Variants in ZNF721 observed in about 807,000 individuals in gnomAD.
The protein encoded by ZNF721 is zinc finger protein 721.
A neutral mutation model predicts 2.4 loss-of-function variants in ZNF721; 2 were observed. The observed-to-expected ratio is 0.82, with a 90% CI of 0.34 to 2.58. ZNF721 has a LOEUF of 2.58. ZNF721 is among the 30% of genes most tolerant of loss of function. The probability of loss-of-function intolerance (pLI) is 0.11; values close to 1 mark genes in which losing one functional copy is unlikely to be tolerated. For missense variants in ZNF721, 1,187 were observed against 1,085.5 expected (o/e 1.09, Z -1.31); for synonymous variants, 398 against 381.8 (o/e 1.04, Z -0.50).
intron 2 of ZNF721, among the ~76,000 whole-genome samples, chr4:464,822 G>A (rs922455753): frequency 6.6e-5 from 10 of 152,028 alleles, no homozygotes; most frequent in African/African-American, 2.4e-4. Context: ...GCTCACGCCT[G>A]TAATCCCAGC....
intron 1 of ZNF721, among the ~76,000 whole-genome samples, chr4:489,707 T>G (rs1553871205): frequency 6.6e-6 from 1 of 152,164 alleles, no homozygotes; most frequent in African/African-American, 2.4e-5. Context: ...CCACCTGACA[T>G]GTGTAGCTAC....
At chr4:458,989 G>A (rs1714934668) in intron 2 of ZNF721, among the ~76,000 whole-genome samples, 1 of 152,176 alleles carries the variant, frequency 6.6e-6, no homozygotes, top group African/African-American at 2.4e-5. Context: ...GAAGAAAGTG[G>A]GGGCCAATAT....
At chr4:474,056 G>GGCTGAGGCTCTGGCAAAATC (rs1188237572) in intron 1 of ZNF721, 20 of 1,464,608 alleles carry the variant, frequency 1.4e-5, no homozygotes, top group Non-Finnish European at 1.8e-5. Context: ...GAGCGATGGA[G>GGCTGAGGCTCTGGCAAAATC]GCTGAGGCTC....
At chr4:488,219 G>T (rs1310185874) in intron 1 of ZNF721, among the ~76,000 whole-genome samples, 1 of 152,054 alleles carries the variant, frequency 6.6e-6, no homozygotes, top group African/African-American at 2.4e-5. Context: ...ATTCCTTTGT[G>T]CTTTCTGTTC....
At chr4:458,325 A>C (rs1553865623) in intron 2 of ZNF721, among the ~76,000 whole-genome samples, 3 of 152,210 alleles carry the variant, frequency 2.0e-5, no homozygotes, top group African/African-American at 7.2e-5. Flanking sequence ...AGTAGGACTT[A>C]TGTGACCTGG....
chr4:491,990 T>TA (rs781964022), intron 1 of ZNF721, among the ~76,000 whole-genome samples: 2,578 of 142,894 alleles, frequency 0.018, 78 homozygotes, highest in African/African-American at 0.06. Context: ...CCATCTCTAC[T>TA]AAAAAAAAAA....
In ZNF721 at chr4:443,391, T is replaced by C. The variant is rs781971273; in HGVS notation, c.1076A>G (p.Lys359Arg). 2.5e-6 allele frequency: 4 copies of C among 1,614,148 alleles called. No individual in the cohort carries two copies. In the South Asian group the frequency reaches 4.4e-5, roughly 18 times the overall value. The change falls in exon 3 of 3, where the codon AAA becomes AGA. Residue 359 changes from lysine to arginine, a missense_variant. Coordinates refer to ENST00000511833, the MANE Select transcript of ZNF721 (RefSeq NM_133474.4). ...YVHRRIHTGEKPYKCEDCGKA... is the reference protein window; with the variant it reads ...YVHRRIHTGERPYKCEDCGKA... Reference sequence around the variant, plus strand: ...GCCACAGTCTTCGCATTTGTAAGGTTTCTCTCCAGTATGAATTCTCCTATG... The same window carrying C: ...GCCACAGTCTTCGCATTTGTAAGGTCTCTCTCCAGTATGAATTCTCCTATG...
In ZNF721 at chr4:441,581, T is replaced by G; in HGVS notation, c.*114A>C. 1 of 828,228 alleles carries G rather than the reference T, an allele frequency of 1.2e-6. No individual in the cohort carries two copies. Among genetic ancestry groups the G allele is most frequent in the Non-Finnish European group, 1.9e-6 (1 of 540,396 alleles). 51.3% of individuals were successfully genotyped at this position (828,228 alleles called of 1,614,324 possible). ...TGAATTATCTTATGATTAGAAAGGA[T>G]TGAGGAGCATTTAAAGACCGCGACA... On this transcript the variant is annotated 3_prime_UTR_variant, in exon 3 of 3. Coordinates refer to ENST00000511833, the MANE Select transcript of ZNF721 (RefSeq NM_133474.4).
intron 2 of ZNF721, among the ~76,000 whole-genome samples, chr4:445,104 C>T (rs1354013033): frequency 1.3e-5 from 2 of 151,336 alleles, no homozygotes; most frequent in Non-Finnish European, 2.9e-5. Context: ...CCTGCCTCAG[C>T]CTCCCCAATA....
At chr4:490,734 C>T (rs777523128) in intron 1 of ZNF721, among the ~76,000 whole-genome samples, 11 of 152,130 alleles carry the variant, frequency 7.2e-5, no homozygotes, top group African/African-American at 1.9e-4. Context: ...TGTGTGTGCA[C>T]GTGTGCATGC....
At position 480,367 on chromosome 4, in the gene ZNF721, A is replaced by G. The variant is rs185415506; in HGVS notation, c.-93-7666T>C. On this transcript the variant is annotated intron_variant, in intron 1 of 2. Transcript: ENST00000511833. ...AATTTGAATTTAGGAACACTTTCTT[A>G]TGCTGACTCTTAAGTACTTATTTCA... Among the ~76,000 whole-genome samples the G allele has an allele frequency of 2.2e-4, 33 of 152,348 alleles. No individual in the cohort carries two copies. The South Asian group carries it at 4.1e-3, about 19-fold the overall frequency.
At chr4:476,988 C>A (rs1239732009) in intron 1 of ZNF721, among the ~76,000 whole-genome samples, 11 of 152,166 alleles carry the variant, frequency 7.2e-5, no homozygotes, top group African/African-American at 2.7e-4. Context: ...CATGGCATCT[C>A]ATTTTCTTGG....
chr4:447,358 ATTATT>A (rs1165694323), intron 2 of ZNF721, among the ~76,000 whole-genome samples: 49 of 152,068 alleles, frequency 3.2e-4, no homozygotes, highest in African/African-American at 9.1e-4. Context: ...CAAAAAATAT[ATTATT>A]TTAAGAAATT....
intron 2 of ZNF721, among the ~76,000 whole-genome samples, chr4:465,964 C>T (rs1715235909): frequency 6.6e-6 from 1 of 151,458 alleles, no homozygotes; most frequent in Non-Finnish European, 1.5e-5. Context: ...AGTTATTTCT[C>T]TGCCTTTTAT....
chr4:461,918 CAAGAGA>C (rs1324622455), intron 2 of ZNF721, among the ~76,000 whole-genome samples: 3 of 152,010 alleles, frequency 2.0e-5, no homozygotes, highest in Non-Finnish European at 4.4e-5. Context: ...GGCAATTAGG[CAAGAGA>C]AAGAAAGAAA....
rs1208255706 is a variant in ZNF721, at chr4:455,628, G to GA, written c.35-11197dup. Among the ~76,000 whole-genome samples, 17 of 139,998 alleles carry GA rather than the reference G, an allele frequency of 1.2e-4. No homozygotes were observed. In the South Asian group the frequency reaches 1.6e-3, roughly 13 times the overall value. 91.8% of individuals were successfully genotyped at this position (139,998 alleles called of 152,430 possible). A position where few individuals can be genotyped will look rare whatever the true frequency, so the allele number is the denominator to read the frequency against. ...AACATTATGTGAAGACAGTAAAAAA[G>GA]AAAAAAAAAGAAAGAAAAAATATTA... On this transcript the variant is annotated intron_variant, in intron 2 of 2. Coordinates refer to ENST00000511833, the MANE Select transcript of ZNF721 (RefSeq NM_133474.4).
At chr4:457,345 G>A (rs1714878484) in intron 2 of ZNF721, among the ~76,000 whole-genome samples, 1 of 152,176 alleles carries the variant, frequency 6.6e-6, no homozygotes, top group Non-Finnish European at 1.5e-5. Context: ...TGGAATCCAT[G>A]TCAAGGGTTG....
chr4:452,606 T>G (rs1192039758), intron 2 of ZNF721, among the ~76,000 whole-genome samples: 2 of 152,188 alleles, frequency 1.3e-5, no homozygotes, highest in African/African-American at 4.8e-5. Flanking sequence ...AACAGGCCAG[T>G]AGAACTGCAA....
At chr4:485,831 CA>C (rs1560243461) in intron 1 of ZNF721, among the ~76,000 whole-genome samples, 4 of 152,030 alleles carry the variant, frequency 2.6e-5, no homozygotes, top group Non-Finnish European at 5.9e-5. Flanking sequence ...AAAAACTATC[CA>C]GGCGTGCTGG....
Sources: allele counts gnomAD v4.1 joint callset (sites outside exome capture counted in the v4.1 genomes callset), GRCh38; gene constraint gnomAD v4.1.1; transcripts MANE v1.5; gene names NCBI Gene and HGNC (gene_info 2026-07-23, HGNC 2026-07-21).